SIPA1L1: variants seen among roughly 807,000 people sequenced by gnomAD.
SIPA1L1 encodes signal-induced proliferation-associated 1-like protein 1.
SIPA1L1 carries 26 observed loss-of-function variants against 162.7 expected under a neutral mutation model. The observed-to-expected ratio is 0.16, with a 90% CI of 0.12 to 0.22. The LOEUF (loss-of-function observed/expected upper bound fraction) is 0.22, where lower values mean the gene tolerates loss of function less well. Ranked by LOEUF, SIPA1L1 falls within the 10% of genes least tolerant of loss-of-function variation. The pLI is 1.00. For synonymous variants in SIPA1L1, 829 were observed against 837.4 expected, an observed-to-expected ratio of 0.99 and a Z score of 0.17; for missense variants, 1,874 against 2,241.0, an observed-to-expected ratio of 0.84 and a Z score of 3.31.
chr14:71,552,708 C>G (rs965054096), intron 4 of SIPA1L1, among the ~76,000 whole-genome samples: 6 of 152,064 alleles, frequency 3.9e-5, no homozygotes, highest in Non-Finnish European at 5.9e-5. Flanking sequence ...AATGGTTGAA[C>G]TTTTCTCCTG....
At chr14:71,653,690 T>C (rs2042821210) in intron 8 of SIPA1L1, among the ~76,000 whole-genome samples, 1 of 152,226 alleles carries the variant, frequency 6.6e-6, no homozygotes, top group African/African-American at 2.4e-5. Flanking sequence ...TATCATTTTT[T>C]CTAGTTATTC....
intron 3 of SIPA1L1, among the ~76,000 whole-genome samples, chr14:71,524,847 T>C (rs1298718745): frequency 6.6e-6 from 1 of 152,230 alleles, no homozygotes; most frequent in Admixed American, 6.5e-5. Flanking sequence ...TCTCCATGCA[T>C]ACGTTCTCTC....
At position 71,475,169 on chromosome 14, in the gene SIPA1L1, GT is replaced by G. The variant is rs568629964; in HGVS notation, c.-464-37573del. Among the ~76,000 whole-genome samples, 18 of 152,310 alleles carry G rather than the reference GT, an allele frequency of 1.2e-4. 2 individuals carry two copies. The South Asian group carries it at 3.5e-3, about 30-fold the overall frequency. On this transcript the variant is annotated intron_variant, in intron 2 of 23. Transcript: ENST00000381232. ...ACCAGGTGATTATTTTTAAGTACAT[GT>G]CTGACAGAACACCAAGAAGTACCAG... is the stretch of plus-strand genomic sequence containing the variant.
At chr14:71,374,803 C>T (rs1430637310) in intron 2 of SIPA1L1, among the ~76,000 whole-genome samples, 1 of 150,906 alleles carries the variant, frequency 6.6e-6, no homozygotes, top group African/African-American at 2.4e-5. Context: ...TATATTTTGA[C>T]TTCTTCCTAT....
Position 71,704,376 on chromosome 14 carries a change from T to C in SIPA1L1, c.3647-846T>C, listed in dbSNP as rs545203141. Among the ~76,000 whole-genome samples, 29 of 152,350 alleles carry C rather than the reference T, an allele frequency of 1.9e-4. No individual in the cohort carries two copies. In the South Asian group the frequency reaches 2.5e-3, roughly 13 times the overall value. ...ATTGAGAATGTTTACGAGGTTCTTA[T>C]TGGTTAGGCATCAGTGTGTTATCAA... On this transcript the variant is annotated intron_variant, in intron 15 of 23. Coordinates refer to ENST00000381232, the MANE Select transcript of SIPA1L1 (RefSeq NM_001386936.1).
chr14:71,383,045 G>A (rs1269599052), intron 2 of SIPA1L1, among the ~76,000 whole-genome samples: 3 of 152,104 alleles, frequency 2.0e-5, no homozygotes, highest in Non-Finnish European at 4.4e-5. Flanking sequence ...CCTATGAAGA[G>A]TTTTTCAGAT....
At chr14:71,484,932 T>A (rs2048633035) in intron 2 of SIPA1L1, among the ~76,000 whole-genome samples, 1 of 152,192 alleles carries the variant, frequency 6.6e-6, no homozygotes, top group Non-Finnish European at 1.5e-5. Context: ...GAGAACATGA[T>A]CCTGACTCTT....
chr14:71,554,503 C>G (rs192612194), intron 4 of SIPA1L1, among the ~76,000 whole-genome samples: 6 of 152,144 alleles, frequency 3.9e-5, no homozygotes, highest in Non-Finnish European at 7.3e-5. Context: ...CCTGTCAGTT[C>G]TGCCCCACTG....
At chr14:71,466,840 G>A (rs1411266033) in intron 2 of SIPA1L1, among the ~76,000 whole-genome samples, 1 of 152,046 alleles carries the variant, frequency 6.6e-6, no homozygotes, top group Non-Finnish European at 1.5e-5. Flanking sequence ...CCAATGTAAT[G>A]GCATTAGTTA....
At chr14:71,533,101 C>T (rs28463431) in intron 4 of SIPA1L1, among the ~76,000 whole-genome samples, 1 of 152,046 alleles carries the variant, frequency 6.6e-6, no homozygotes, top group Non-Finnish European at 1.5e-5. Flanking sequence ...AATGTTGGGT[C>T]GTAGACTTAT....
At chr14:71,567,224 C>G (rs1596166082) in intron 4 of SIPA1L1, among the ~76,000 whole-genome samples, 1 of 152,156 alleles carries the variant, frequency 6.6e-6, no homozygotes, top group East Asian at 1.9e-4. Flanking sequence ...TTGAAAGATG[C>G]TCCAACTTAA....
chr14:71,610,648 A>T (rs531573293), intron 5 of SIPA1L1, among the ~76,000 whole-genome samples: 20 of 152,270 alleles, frequency 1.3e-4, no homozygotes, highest in African/African-American at 4.6e-4. Flanking sequence ...TTTAAAAATA[A>T]TTTTTTTATG....
At chr14:71,392,986 AT>A (rs2040886110) in intron 2 of SIPA1L1, among the ~76,000 whole-genome samples, 1 of 152,234 alleles carries the variant, frequency 6.6e-6, no homozygotes, top group African/African-American at 2.4e-5. Flanking sequence ...TTGCCTTACC[AT>A]ATTGATACTT....
intron 17 of SIPA1L1, among the ~76,000 whole-genome samples, chr14:71,710,854 A>G (rs1416413944): frequency 1.3e-5 from 2 of 151,814 alleles, no homozygotes; most frequent in African/African-American, 4.8e-5. Context: ...GAAAAGTAAT[A>G]GAGAGGCTTA....
intron 4 of SIPA1L1, among the ~76,000 whole-genome samples, chr14:71,581,469 G>A (rs2033917958): frequency 6.6e-6 from 1 of 152,148 alleles, no homozygotes; most frequent in Non-Finnish European, 1.5e-5. Context: ...TTGGGAAAAA[G>A]GACAAGCACT....
chr14:71,634,877 A>C (rs1011019290), intron 7 of SIPA1L1, among the ~76,000 whole-genome samples: 2 of 151,972 alleles, frequency 1.3e-5, no homozygotes, highest in African/African-American at 4.8e-5. Context: ...CGGAGCTTGC[A>C]GTGAGCAGAG....
rs2082701087 is a variant in SIPA1L1, at chr14:71,709,341, T to C, written c.3885T>C (p.Tyr1295=). The C allele has an allele frequency of 3.1e-6, 5 of 1,614,212 alleles. No individual in the cohort carries two copies. Among genetic ancestry groups the C allele is most frequent in the Non-Finnish European group, 4.2e-6 (5 of 1,180,044 alleles). The change falls in exon 17 of 24, where the codon TAT becomes TAC. Residue 1295 remains tyrosine, a synonymous_variant. Transcript: ENST00000381232. ...GCACAGAATCCGAACTCAACAGCTA[T>C]AACTATCTGCAAGGCACCTCTGCTG... ...GDRTESELNS[Y]NYLQGTSADS...
intron 4 of SIPA1L1, among the ~76,000 whole-genome samples, chr14:71,569,691 G>C (rs1288293476): frequency 1.3e-5 from 2 of 152,178 alleles, no homozygotes; most frequent in Non-Finnish European, 2.9e-5. Flanking sequence ...TCGAAAAATA[G>C]GAAAAACAAG....
intron 13 of SIPA1L1, 44 bp downstream of exon 13, chr14:71,685,675 A>G (rs758561196): frequency 1.2e-6 from 2 of 1,605,578 alleles, no homozygotes; most frequent in African/African-American, 1.3e-5. Context: ...CTCTGCCCCA[A>G]ATGTAAGTAA....
Sources: gnomAD v4.1 joint callset for allele counts (sites outside exome capture counted in the v4.1 genomes callset) on GRCh38, gnomAD v4.1.1 for gene constraint, MANE v1.5 for transcripts, NCBI Gene and HGNC (gene_info 2026-07-23, HGNC 2026-07-21) for gene names.